The following SLCO3A1 variants were observed in gnomAD, a reference collection of about 807,000 sequenced individuals.
SLCO3A1 encodes solute carrier organic anion transporter family member 3A1.
In SLCO3A1, 27 loss-of-function variants were observed where a neutral mutation model predicts 63.1. The observed-to-expected ratio is 0.43, with a 90% CI of 0.32 to 0.59. The LOEUF is 0.59. Among genes scored for constraint, SLCO3A1 ranks in the 20% least tolerant of loss-of-function variants. The probability of loss-of-function intolerance (pLI) is 0.09; values close to 1 mark genes in which losing one functional copy is unlikely to be tolerated. For missense variants in SLCO3A1, 773 were observed against 945.8 expected, an observed-to-expected ratio of 0.82 and a Z score of 2.40; for synonymous variants, 473 against 409.9, an observed-to-expected ratio of 1.15 and a Z score of -1.86.
At chr15:92,032,556 AT>A (rs748706021) in intron 2 of SLCO3A1, among the ~76,000 whole-genome samples, 1 of 152,186 alleles carries the variant, frequency 6.6e-6, no homozygotes, top group Non-Finnish European at 1.5e-5. Flanking sequence ...AAGGCTATGA[AT>A]TTTCAGATTT....
intron 2 of SLCO3A1, among the ~76,000 whole-genome samples, chr15:92,034,416 T>C (rs993533672): frequency 1.3e-4 from 20 of 151,216 alleles, no homozygotes; most frequent in African/African-American, 4.8e-4. Flanking sequence ...AGACGATGAG[T>C]GTGCCTGGAA....
chr15:91,955,239 T>A (rs112913201), intron 2 of SLCO3A1, among the ~76,000 whole-genome samples: 1 of 152,186 alleles, frequency 6.6e-6, no homozygotes, highest in Admixed American at 6.5e-5. Context: ...ATAGCCAAGA[T>A]GTGGTAGGGT....
intron 2 of SLCO3A1, among the ~76,000 whole-genome samples, chr15:92,069,987 C>T (rs1364059804): frequency 3.3e-5 from 5 of 152,208 alleles, no homozygotes; most frequent in African/African-American, 9.7e-5. Flanking sequence ...GTAGGCTACC[C>T]GAATTAGGTC....
chr15:92,161,076 C>T (rs1274565812), intron 9 of SLCO3A1, among the ~76,000 whole-genome samples: 1 of 152,188 alleles, frequency 6.6e-6, no homozygotes, highest in Non-Finnish European at 1.5e-5. Flanking sequence ...GCAAGGAACA[C>T]TCCAGACAGA....
chr15:92,049,497 C>T (rs969595445), intron 2 of SLCO3A1, among the ~76,000 whole-genome samples: 4 of 152,198 alleles, frequency 2.6e-5, no homozygotes, highest in African/African-American at 9.7e-5. Flanking sequence ...GAGGCCAATT[C>T]TGCCCAACAC....
intron 1 of SLCO3A1, among the ~76,000 whole-genome samples, chr15:91,870,415 G>A (rs1897257406): frequency 6.6e-6 from 1 of 152,174 alleles, no homozygotes; most frequent in Non-Finnish European, 1.5e-5. Flanking sequence ...CTCCCTTAGA[G>A]ATAATTTATT....
chr15:92,149,743 C>T (rs1183870806), intron 8 of SLCO3A1: 1 of 152,146 alleles, frequency 6.6e-6, no homozygotes, highest in African/African-American at 2.4e-5. Flanking sequence ...GAAGGGAGAT[C>T]TTAGCACCTT....
chr15:91,969,828 G>T (rs76369204), intron 2 of SLCO3A1, among the ~76,000 whole-genome samples: 9,067 of 152,158 alleles, frequency 0.06, 394 homozygotes, highest in Non-Finnish European at 0.091. Flanking sequence ...GGTGGCGGGG[G>T]CTGGTCCACA....
intron 4 of SLCO3A1, among the ~76,000 whole-genome samples, chr15:92,116,843 G>A (rs986647007): frequency 3.9e-5 from 6 of 152,092 alleles, no homozygotes; most frequent in Admixed American, 2.0e-4. Flanking sequence ...AGGAAATAGC[G>A]AACCCAAGAG....
chr15:91,947,727 G>C (rs943407721), intron 2 of SLCO3A1, among the ~76,000 whole-genome samples: 1 of 152,204 alleles, frequency 6.6e-6, no homozygotes, highest in African/African-American at 2.4e-5. Context: ...AGCCAGAAGC[G>C]TCTGTGCAGC....
chr15:92,153,268 A>G (rs1340395558), intron 9 of SLCO3A1, among the ~76,000 whole-genome samples: 3 of 152,196 alleles, frequency 2.0e-5, no homozygotes, highest in African/African-American at 7.2e-5. Flanking sequence ...TCATGAAAAA[A>G]TACTCACTGT....
intron 7 of SLCO3A1, among the ~76,000 whole-genome samples, chr15:92,140,816 G>A (rs113079990): frequency 0.026 from 3,927 of 151,736 alleles, 62 homozygotes; most frequent in Middle Eastern, 0.054. Flanking sequence ...GCCTTTTTTT[G>A]TTTTCCATTT....
intron 2 of SLCO3A1, among the ~76,000 whole-genome samples, chr15:92,061,974 C>T (rs1348714366): frequency 6.6e-6 from 1 of 152,200 alleles, no homozygotes; most frequent in African/African-American, 2.4e-5. Flanking sequence ...ATCCAGATGG[C>T]ATTGACAGAC....
chr15:92,048,696 C>G (rs112600814), intron 2 of SLCO3A1, among the ~76,000 whole-genome samples: 1 of 152,096 alleles, frequency 6.6e-6, no homozygotes, highest in Admixed American at 6.5e-5. Context: ...GTCAGGAGTT[C>G]GAGACCAGCC....
intron 6 of SLCO3A1, 93 bp downstream of exon 6, chr15:92,126,352 A>C (rs2047923173): frequency 3.8e-6 from 4 of 1,049,262 alleles, no homozygotes; most frequent in Non-Finnish European, 5.9e-6. Context: ...CTTTGTTCCT[A>C]GTGACCTGAG....
In SLCO3A1 at chr15:91,875,508, GT is replaced by G. The variant is rs1283089079; in HGVS notation, c.180+21422del. On this transcript the variant is annotated intron_variant, in intron 1 of 9. Transcript: ENST00000318445. This position sits in a 1 kb window ranked among gnomAD's most constrained non-coding sequence, Gnocchi z 4.5. ...ACCTAGGTTGGTTCCTCCCCCGTCA[GT>G]TGGAGATGATTAAAGTACCTGCCAC... Among the ~76,000 whole-genome samples the G allele has an allele frequency of 1.3e-5, 2 of 152,240 alleles. No individual in the cohort carries two copies. The highest frequency in any genetic ancestry group is 2.4e-5 in the African/African-American group (1 of 41,460).
chr15:92,065,742 A>G (rs2047143195), intron 2 of SLCO3A1, among the ~76,000 whole-genome samples: 1 of 152,146 alleles, frequency 6.6e-6, no homozygotes, highest in African/African-American at 2.4e-5. Flanking sequence ...GGTATAATTT[A>G]TATACCATAA....
At chr15:91,920,703 G>GT (rs1280812029) in intron 2 of SLCO3A1, among the ~76,000 whole-genome samples, 3 of 152,086 alleles carry the variant, frequency 2.0e-5, no homozygotes, top group East Asian at 1.9e-4. Context: ...CCACTAGGAG[G>GT]TTTTTTTAAG....
At position 92,104,417 on chromosome 15, in the gene SLCO3A1, C is replaced by A; in HGVS notation, c.884C>A (p.Pro295His). 2 of 1,614,196 alleles carry A rather than the reference C, an allele frequency of 1.2e-6. No homozygotes were observed. The highest frequency in any genetic ancestry group is 2.2e-5 in the East Asian group (1 of 44,868). Residue 295 changes from proline to histidine, a missense_variant, in exon 4 of 10, where the codon CCC becomes CAC. Pro to His is a moderately conservative substitution (Grantham distance 77). Transcript: ENST00000318445. ...FPQSLPPHSE[P>H]AMESEQAMLS... Reference sequence around the variant, plus strand: ...CAGTCCCTGCCCCCGCACTCAGAGCCCGCCATGGAAAGCGAGCAGGCCATG... The same window carrying A: ...CAGTCCCTGCCCCCGCACTCAGAGCACGCCATGGAAAGCGAGCAGGCCATG...
Sources: gnomAD v4.1 joint callset for allele counts (sites outside exome capture counted in the v4.1 genomes callset) on GRCh38, gnomAD v4.1.1 for gene constraint, Gnocchi (gnomAD v3.1) non-coding constraint, MANE v1.5 for transcripts, NCBI Gene and HGNC (gene_info 2026-07-23, HGNC 2026-07-21) for gene names.